RFC3: variants seen among roughly 807,000 people sequenced by gnomAD.
RFC3 encodes the protein A1 38 kDa subunit.
RFC3 carries 41 observed loss-of-function variants against 45.1 expected under a neutral mutation model. The ratio of observed to expected loss-of-function variants is 0.91; its 90% CI spans 0.71 to 1.18. The LOEUF is 1.18. RFC3 is among the 50% of genes most tolerant of loss of function. The pLI is 0.00. For synonymous variants in RFC3, 149 were observed against 144.0 expected (o/e 1.03, Z -0.25); for missense variants, 423 against 428.1 (o/e 0.99, Z 0.10).
At chr13:33,972,621 A>C in the RFC3 span, among the ~76,000 whole-genome samples, 1 of 152,150 alleles carries the variant, frequency 6.6e-6, no homozygotes, top group Non-Finnish European at 1.5e-5. Flanking sequence ...TGCTTCTCCA[A>C]ATGGACACCA....
chr13:33,911,343 A>G (rs1358400651), intron 8 of RFC3, among the ~76,000 whole-genome samples: 1 of 152,082 alleles, frequency 6.6e-6, no homozygotes, highest in Non-Finnish European at 1.5e-5. Context: ...GTTTATGTAG[A>G]GAAGTTTGTG....
chr13:33,823,941 AT>A lies in RFC3; in HGVS notation c.252del (p.Ser85AlafsTer22). The part of the protein sequence containing the change: ...ITTPSKKKIE[I>X]STIASNYHLE... The stretch of plus-strand genomic sequence containing the variant: ...GACTCCATCTAAAAAAAAAATTGAA[AT>A]TAGCACCATTGCAAGTAACTACCAC... On this transcript the variant is annotated frameshift_variant, in exon 3 of 9. Transcript: ENST00000380071. LOFTEE classifies it high-confidence loss of function. The A allele has an allele frequency of 6.4e-7, 1 of 1,567,902 alleles. No homozygotes were observed. The highest frequency in any genetic ancestry group is 8.7e-7 in the Non-Finnish European group (1 of 1,144,872).
intron 8 of RFC3, among the ~76,000 whole-genome samples, chr13:33,878,761 A>C: frequency 6.6e-6 from 1 of 152,202 alleles, no homozygotes; most frequent in East Asian, 1.9e-4. Context: ...TATAATTTCC[A>C]TACCAGCTTC....
Position 33,835,210 on chromosome 13 carries a change from TAATG to T in RFC3, c.875_878del (p.Met292ArgfsTer15). ...ACTCATTGTATTCCTCCTGAGATAATAATGAAGGTAACCCAATTTCAGATCTTGA... is the reference window on the plus strand; with the variant it reads ...ACTCATTGTATTCCTCCTGAGATAATAAGGTAACCCAATTTCAGATCTTGA... On this transcript the variant is annotated frameshift_variant, in exon 8 of 9. Coordinates refer to ENST00000380071, the MANE Select transcript of RFC3 (RefSeq NM_002915.4). LOFTEE classifies it high-confidence loss of function. 18 of 1,606,172 alleles carry T rather than the reference TAATG, an allele frequency of 1.1e-5. No individual in the cohort carries two copies. Among genetic ancestry groups the T allele is most frequent in the Non-Finnish European group, 1.4e-5 (17 of 1,173,048 alleles).
chr13:33,871,301 T>C (rs1285348797), intron 8 of RFC3, among the ~76,000 whole-genome samples: 1 of 152,218 alleles, frequency 6.6e-6, no homozygotes, highest in Non-Finnish European at 1.5e-5. Context: ...CTCACTGGGC[T>C]AAAGTCAAGG....
At chr13:33,965,606 A>C (rs902411139) in intron 8 of RFC3, among the ~76,000 whole-genome samples, 1 of 152,118 alleles carries the variant, frequency 6.6e-6, no homozygotes, top group African/African-American at 2.4e-5. Flanking sequence ...TTTAAATAAG[A>C]TGTCTATATA....
At chr13:33,925,014 AT>A (rs1291206086) in intron 8 of RFC3, among the ~76,000 whole-genome samples, 1 of 149,952 alleles carries the variant, frequency 6.7e-6, no homozygotes, top group Non-Finnish European at 1.5e-5. Context: ...TGTGGTAATC[AT>A]TTCACTATAT....
chr13:33,944,325 G>A (rs1300954962), intron 8 of RFC3, among the ~76,000 whole-genome samples: 2 of 152,176 alleles, frequency 1.3e-5, no homozygotes, highest in East Asian at 1.9e-4. Flanking sequence ...AACAAAGTGA[G>A]CAGCTATGCC....
chr13:33,844,030 T>G (rs1405236437), intron 8 of RFC3, among the ~76,000 whole-genome samples: 3 of 152,234 alleles, frequency 2.0e-5, no homozygotes, highest in Admixed American at 2.0e-4. Flanking sequence ...CTATGTTGAT[T>G]GTCTTTTTCT....
intron 4 of RFC3, among the ~76,000 whole-genome samples, chr13:33,826,713 C>A (rs1227263305): frequency 1.3e-5 from 2 of 151,958 alleles, no homozygotes; most frequent in African/African-American, 4.8e-5. Context: ...TTATTAAATT[C>A]TCTTACTGTT....
intron 8 of RFC3, among the ~76,000 whole-genome samples, chr13:33,964,664 G>C (rs1413133249): frequency 1.3e-5 from 2 of 152,174 alleles, no homozygotes; most frequent in Non-Finnish European, 2.9e-5. Context: ...AGTTTTAGCT[G>C]CCTGGACCAC....
downstream of RFC3, among the ~76,000 whole-genome samples, chr13:33,968,938 G>A (rs571525202): frequency 3.9e-5 from 6 of 152,226 alleles, no homozygotes; most frequent in East Asian, 7.7e-4. Context: ...TACTAATGCC[G>A]GCATTGTGTT....
downstream of RFC3, among the ~76,000 whole-genome samples, chr13:33,840,268 T>A (rs1163975470): frequency 1.3e-5 from 2 of 152,202 alleles, no homozygotes; most frequent in African/African-American, 4.8e-5. Context: ...TCTCTCTTTT[T>A]CCTAGCTTTT....
chr13:33,914,270 T>G (rs994992397), intron 8 of RFC3, among the ~76,000 whole-genome samples: 1 of 152,182 alleles, frequency 6.6e-6, no homozygotes, highest in Non-Finnish European at 1.5e-5. Context: ...TGCTTTATTC[T>G]AGGCTACTTT....
At chr13:33,894,306 G>A (rs2082583081) in intron 8 of RFC3, among the ~76,000 whole-genome samples, 1 of 152,174 alleles carries the variant, frequency 6.6e-6, no homozygotes, top group Admixed American at 6.6e-5. Flanking sequence ...GTGGTGGGGA[G>A]TATATGAGAA....
intron 7 of RFC3, among the ~76,000 whole-genome samples, chr13:33,831,571 C>CAA: frequency 6.6e-6 from 1 of 151,176 alleles, no homozygotes; most frequent in East Asian, 2.0e-4. Flanking sequence ...AATATCATGG[C>CAA]TTACATGTGA....
intron 7 of RFC3, among the ~76,000 whole-genome samples, chr13:33,832,994 A>T (rs936910549): frequency 2.0e-5 from 3 of 152,212 alleles, no homozygotes; most frequent in Non-Finnish European, 4.4e-5. Context: ...TTGACGGCTT[A>T]TAAATGAACT....
At chr13:33,874,095 G>A (rs1179498209) in intron 8 of RFC3, among the ~76,000 whole-genome samples, 1 of 152,000 alleles carries the variant, frequency 6.6e-6, no homozygotes, top group African/African-American at 2.4e-5. Context: ...TAATTTATGC[G>A]CCATCATCCT....
chr13:33,872,800 C>CCG (rs1005842977), intron 8 of RFC3, among the ~76,000 whole-genome samples: 4 of 140,804 alleles, frequency 2.8e-5, no homozygotes, highest in South Asian at 5.1e-4. Context: ...AAACCCCCCC[C>CCG]CCCAAAATAC....
Sources: allele counts gnomAD v4.1 joint callset (sites outside exome capture counted in the v4.1 genomes callset), GRCh38; gene constraint gnomAD v4.1.1; transcripts MANE v1.5; gene names NCBI Gene and HGNC (gene_info 2026-07-23, HGNC 2026-07-21).